PPP1R14C: variants seen among roughly 807,000 people sequenced by gnomAD.
The protein encoded by PPP1R14C is protein phosphatase 1 regulatory subunit 14C.
In PPP1R14C, 16 loss-of-function variants were observed where a neutral mutation model predicts 20.4. That is an observed-to-expected ratio of 0.78 (90% CI 0.53 to 1.19). The LOEUF (loss-of-function observed/expected upper bound fraction) is 1.19, where lower values mean the gene tolerates loss of function less well. PPP1R14C is among the 50% of genes most tolerant of loss of function. The pLI is 0.00. For missense variants in PPP1R14C, 211 were observed against 220.1 expected (o/e 0.96, Z 0.26); for synonymous variants, 91 against 91.0 (o/e 1.00, Z 0.00).
intron 3 of PPP1R14C, among the ~76,000 whole-genome samples, chr6:150,240,409 C>G (rs568770165): frequency 6.6e-6 from 1 of 152,300 alleles, no homozygotes; most frequent in Non-Finnish European, 1.5e-5. Flanking sequence ...CGAAGGTACG[C>G]CCCACAGACT....
At chr6:150,232,373 G>A (rs183350810) in intron 3 of PPP1R14C, among the ~76,000 whole-genome samples, 66 of 152,234 alleles carry the variant, frequency 4.3e-4, no homozygotes, top group African/African-American at 1.6e-3. Context: ...AAACTGTGGA[G>A]CTTATTTTCA....
chr6:150,211,295 C>G (rs1428583795), intron 1 of PPP1R14C, among the ~76,000 whole-genome samples: 1 of 152,174 alleles, frequency 6.6e-6, no homozygotes, highest in Admixed American at 6.5e-5. Context: ...AACAAATGTA[C>G]GACAAGAAAG....
At chr6:150,158,380 G>C (rs1371711930) in intron 1 of PPP1R14C, among the ~76,000 whole-genome samples, 2 of 152,088 alleles carry the variant, frequency 1.3e-5, no homozygotes, top group Non-Finnish European at 2.9e-5. Context: ...CAGGTTTTAT[G>C]ACTATAGAAT....
At chr6:150,181,999 G>C (rs1344566715) in intron 1 of PPP1R14C, among the ~76,000 whole-genome samples, 1 of 151,992 alleles carries the variant, frequency 6.6e-6, no homozygotes, top group Admixed American at 6.6e-5. Flanking sequence ...ATAAGAATTA[G>C]TTTTTTTTGG....
chr6:150,238,449 C>T (rs1778389747), intron 3 of PPP1R14C, among the ~76,000 whole-genome samples: 1 of 152,238 alleles, frequency 6.6e-6, no homozygotes, highest in Non-Finnish European at 1.5e-5. Flanking sequence ...ATTCTGTGGC[C>T]TTTCAGTGAA....
At chr6:150,166,270 T>C (rs891427507) in intron 1 of PPP1R14C, among the ~76,000 whole-genome samples, 1 of 151,964 alleles carries the variant, frequency 6.6e-6, no homozygotes, top group African/African-American at 2.4e-5. Context: ...TTAGTAGAGA[T>C]GGGGTTTCAC....
rs1293420518 is a variant in PPP1R14C at position 150,143,569 on chromosome 6, G to C, written c.306+71G>C. On this transcript the variant is annotated intron_variant, in intron 1 of 3. Transcript: ENST00000361131. The surrounding 1 kb of genome is among the most constrained non-coding windows in gnomAD (Gnocchi z 5.6). ...TCTGTGCCCGCGCAGTAATTTTCCC[G>C]GGCTCCAGCTCCGGGGCGCGCATGT... 1.6e-5 allele frequency: 19 copies of C among 1,153,640 alleles called. No homozygotes were observed. The East Asian group carries it at 5.5e-4, about 33-fold the overall frequency. The allele number at this position is 1,153,640 out of a possible 1,614,324, so 71.5% of individuals were successfully genotyped here.
intron 1 of PPP1R14C, among the ~76,000 whole-genome samples, chr6:150,154,146 A>G (rs1288919837): frequency 6.6e-6 from 1 of 152,252 alleles, no homozygotes; most frequent in East Asian, 1.9e-4. Context: ...AGGAAAGGAT[A>G]TGATAAATTC....
At position 150,143,501 on chromosome 6, in the gene PPP1R14C, A is replaced by G; in HGVS notation, c.306+3A>G. ...TGGGTCAGCTCTACGGCTGCGAGGT[A>G]CCTGGGCGCGGGGCTGGGAGGGTCG... On this transcript the variant is annotated splice_donor_region_variant and intron_variant, in intron 1 of 3. Coordinates refer to ENST00000361131, the MANE Select transcript of PPP1R14C (RefSeq NM_030949.3). This position sits in a 1 kb window ranked among gnomAD's most constrained non-coding sequence, Gnocchi z 5.6. 7.4e-7 allele frequency: 1 copy of G among 1,351,968 alleles called. No homozygotes were observed. The highest frequency in any genetic ancestry group is 1.0e-6 in the Non-Finnish European group (1 of 977,782). The allele number at this position is 1,351,968 out of a possible 1,614,324, so 83.7% of individuals were successfully genotyped here. A position where few individuals can be genotyped will look rare whatever the true frequency, so the allele number is the denominator to read the frequency against.
intron 1 of PPP1R14C, among the ~76,000 whole-genome samples, chr6:150,191,970 G>T (rs1317122327): frequency 1.3e-5 from 2 of 152,134 alleles, no homozygotes; most frequent in South Asian, 4.1e-4. Context: ...TGTGCACAGA[G>T]GCTGGAGCTT....
intron 3 of PPP1R14C, among the ~76,000 whole-genome samples, chr6:150,221,883 C>T (rs902977504): frequency 2.6e-5 from 4 of 152,188 alleles, no homozygotes; most frequent in African/African-American, 9.7e-5. Flanking sequence ...ACTGCAGCCT[C>T]AATCTCCTGG....
chr6:150,170,317 CTT>C (rs540768379), intron 1 of PPP1R14C, among the ~76,000 whole-genome samples: 4 of 142,898 alleles, frequency 2.8e-5, no homozygotes, highest in Admixed American at 7.0e-5. Flanking sequence ...GTGCTAGTTA[CTT>C]TTTTTTTTTT....
At chr6:150,212,096 G>A (rs577113555) in intron 1 of PPP1R14C, among the ~76,000 whole-genome samples, 2 of 152,280 alleles carry the variant, frequency 1.3e-5, no homozygotes, top group Admixed American at 6.5e-5. Context: ...CCTTTGAGAG[G>A]GGAAGGGGCT....
rs541938588 is a variant in PPP1R14C, at chr6:150,235,385, C to T, written c.424-13361C>T. 9.9e-4 allele frequency among the ~76,000 whole-genome samples: 151 copies of T among 152,336 alleles called. 1 individual carries two copies. The highest frequency in any genetic ancestry group is 3.0e-3 in the African/African-American group (126 of 41,580). On this transcript the variant is annotated intron_variant, in intron 3 of 3. Coordinates refer to ENST00000361131, the MANE Select transcript of PPP1R14C (RefSeq NM_030949.3). ...GATTGCAGGTGTGAGGCACTACACCCAGCTGACGGAAATGTGCTGCATCTT... is the reference window on the plus strand; with the variant it reads ...GATTGCAGGTGTGAGGCACTACACCTAGCTGACGGAAATGTGCTGCATCTT...
At chr6:150,247,818 C>A (rs1468445801) in intron 3 of PPP1R14C, among the ~76,000 whole-genome samples, 2 of 152,172 alleles carry the variant, frequency 1.3e-5, no homozygotes, top group Non-Finnish European at 2.9e-5. Context: ...TGGGCCCCAC[C>A]CAGATCTACT....
At chr6:150,152,769 C>A (rs569992738) in intron 1 of PPP1R14C, among the ~76,000 whole-genome samples, 4 of 152,310 alleles carry the variant, frequency 2.6e-5, no homozygotes, top group African/African-American at 9.6e-5. Flanking sequence ...AAGGCAGAAT[C>A]TTGTACCTTT....
chr6:150,200,842 C>T (rs552364888), intron 1 of PPP1R14C, among the ~76,000 whole-genome samples: 67 of 152,250 alleles, frequency 4.4e-4, no homozygotes, highest in African/African-American at 1.2e-3. Flanking sequence ...TGAAAGCTGT[C>T]GTCATCCTCT....
chr6:150,158,030 G>A (rs1039178466), intron 1 of PPP1R14C, among the ~76,000 whole-genome samples: 4 of 152,194 alleles, frequency 2.6e-5, no homozygotes, highest in African/African-American at 7.2e-5. Context: ...TATCTAGAAG[G>A]ATGAGCAGGC....
rs1435703953 is a variant in PPP1R14C, at chr6:150,186,294, C to T, written c.307-28450C>T. ...AGCCCTCAGGAGCAATTTTCCCATC[C>T]ACTTTGAAGGATATAATTCCACTGT... On this transcript the variant is annotated intron_variant, in intron 1 of 3. Transcript: ENST00000361131. 2.0e-5 allele frequency among the ~76,000 whole-genome samples: 3 copies of T among 152,244 alleles called. No homozygotes were observed. In the South Asian group the frequency reaches 6.2e-4, roughly 32 times the overall value.
Sources: allele counts gnomAD v4.1 joint callset (sites outside exome capture counted in the v4.1 genomes callset), GRCh38; gene constraint gnomAD v4.1.1; non-coding constraint Gnocchi (gnomAD v3.1); transcripts MANE v1.5; gene names NCBI Gene and HGNC (gene_info 2026-07-23, HGNC 2026-07-21).